The following HYDIN variants were observed in gnomAD, a reference collection of about 807,000 sequenced individuals.
HYDIN encodes the protein HYDIN axonemal central pair apparatus protein, also known as axonemal central pair apparatus protein HYDIN.
HYDIN carries 132 observed loss-of-function variants against 403.9 expected under a neutral mutation model. The ratio of observed to expected loss-of-function variants is 0.33; its 90% CI spans 0.28 to 0.38. The LOEUF (loss-of-function observed/expected upper bound fraction) is 0.38, where lower values mean the gene tolerates loss of function less well. HYDIN is among the 10% of genes least tolerant of loss of function. The probability of loss-of-function intolerance (pLI) is 1.00; values close to 1 mark genes in which losing one functional copy is unlikely to be tolerated. For missense variants in HYDIN, 2,827 were observed against 5,009.5 expected (o/e 0.56, Z 13.15); for synonymous variants, 1,202 against 1,891.7 (o/e 0.64, Z 9.46).
chr16:70,921,282 G>T, intron 45 of HYDIN, 65 bp from the exon 46 acceptor site: 4 of 1,529,428 alleles, frequency 2.6e-6, no homozygotes, highest in Non-Finnish European at 3.5e-6. Context: ...ATTGCATAAG[G>T]AGGAGCAAAA....
chr16:71,006,724 C>T (rs2079898945), intron 23 of HYDIN, among the ~76,000 whole-genome samples: 1 of 151,928 alleles, frequency 6.6e-6, no homozygotes, highest in South Asian at 2.1e-4. Context: ...CTGCACTCAG[C>T]CCTCTAGGGG....
chr16:71,021,835 T>C (rs1422656117), intron 21 of HYDIN, among the ~76,000 whole-genome samples: 1 of 152,202 alleles, frequency 6.6e-6, no homozygotes, highest in Middle Eastern at 3.2e-3. Context: ...TATGACTCTG[T>C]CTTCCAGTTC....
At chr16:71,030,731 C>G (rs942201970) in intron 19 of HYDIN, among the ~76,000 whole-genome samples, 2 of 152,232 alleles carry the variant, frequency 1.3e-5, no homozygotes, top group African/African-American at 4.8e-5. Context: ...GTGCCTGGTC[C>G]AAACCTGATT....
chr16:70,834,243 G>A (rs1024769596), intron 78 of HYDIN, 79 bp from the exon 79 acceptor site: 35 of 868,260 alleles, frequency 4.0e-5, no homozygotes, highest in Non-Finnish European at 6.3e-5. Flanking sequence ...TCTTGCTGCT[G>A]CGATTGGAAC....
At chr16:71,204,145 C>A (rs776319901) in intron 1 of HYDIN, 2 of 170,836 alleles carry the variant, frequency 1.2e-5, no homozygotes, top group Non-Finnish European at 1.2e-5. Flanking sequence ...TCTCCAAGTG[C>A]TAACAATGTG....
intron 1 of HYDIN, among the ~76,000 whole-genome samples, chr16:71,208,640 A>T (rs2088421436): frequency 6.6e-6 from 1 of 152,192 alleles, no homozygotes; most frequent in Admixed American, 6.5e-5. Flanking sequence ...ACAATTAATA[A>T]GATAGATAGA....
intron 23 of HYDIN, among the ~76,000 whole-genome samples, chr16:70,997,975 G>T (rs562829749): frequency 5.6e-4 from 85 of 151,986 alleles, no homozygotes; most frequent in Non-Finnish European, 1.0e-3. Flanking sequence ...AACAGATGGA[G>T]TCTATTTTCT....
chr16:71,221,271 A>C (rs1336121242), intron 1 of HYDIN, among the ~76,000 whole-genome samples: 4 of 149,888 alleles, frequency 2.7e-5, no homozygotes, highest in African/African-American at 9.7e-5. Flanking sequence ...AAAAAAAAAA[A>C]CCCTGAAAGG....
In HYDIN at chr16:70,901,102, G is replaced by C. The variant is rs748205824; in HGVS notation, c.8950C>G (p.Leu2984Val). Residue 2984 changes from leucine to valine, a missense_variant, in exon 53 of 86, where the codon CTG becomes GTG. Leu to Val is a conservative substitution (Grantham distance 32). Coordinates refer to ENST00000393567, the MANE Select transcript of HYDIN (RefSeq NM_001270974.2). Reference protein sequence around the residue: ...EHLGDDFTVSLMQGTIPPEAE... With the variant: ...EHLGDDFTVSVMQGTIPPEAE... Reference sequence around the variant, plus strand: ...TCAGGGGGGATGGTCCCCTGCATCAGGGATACAGTGAAATCATCACCCAAG... The same window carrying C: ...TCAGGGGGGATGGTCCCCTGCATCACGGATACAGTGAAATCATCACCCAAG... The C allele has an allele frequency of 3.8e-6, 3 of 786,476 alleles. No homozygotes were observed. The highest frequency in any genetic ancestry group is 3.3e-4 in the Middle Eastern group (1 of 3,054). The allele number at this position is 786,476 out of a possible 1,614,324, so 48.7% of individuals were successfully genotyped here. A position where few individuals can be genotyped will look rare whatever the true frequency, so the allele number is the denominator to read the frequency against.
At chr16:71,222,328 A>T (rs1389483850) in intron 1 of HYDIN, among the ~76,000 whole-genome samples, 3 of 152,188 alleles carry the variant, frequency 2.0e-5, no homozygotes, top group Non-Finnish European at 4.4e-5. Context: ...CATAGAAGGG[A>T]CTTACCTCAA....
chr16:71,045,549 C>A (rs2081425404), intron 18 of HYDIN, among the ~76,000 whole-genome samples: 2 of 149,664 alleles, frequency 1.3e-5, no homozygotes, highest in South Asian at 2.1e-4. Flanking sequence ...GCTTAGCATC[C>A]TTGAACAAAG....
intron 45 of HYDIN, among the ~76,000 whole-genome samples, chr16:70,931,979 G>A (rs2077351562): frequency 8.7e-6 from 1 of 115,086 alleles, no homozygotes. Flanking sequence ...CCACTGCACT[G>A]TAGCCTGGGC....
At chr16:71,225,506 T>C (rs2040995334) in intron 1 of HYDIN, among the ~76,000 whole-genome samples, 1 of 152,246 alleles carries the variant, frequency 6.6e-6, no homozygotes, top group Non-Finnish European at 1.5e-5. Flanking sequence ...TGGCATTTAG[T>C]CTTTCCTTCT....
In HYDIN at chr16:71,033,476, G is replaced by A. The variant is rs149780851; in HGVS notation, c.2530-1559C>T. ...CCTTTTGAATGAGGTCATGTCCTTTGCAGGGACATGGACGGAACTGGAAGC... is the reference window on the plus strand; with the variant it reads ...CCTTTTGAATGAGGTCATGTCCTTTACAGGGACATGGACGGAACTGGAAGC... On this transcript the variant is annotated intron_variant, in intron 18 of 85. Transcript: ENST00000393567. Among the ~76,000 whole-genome samples, 398 of 152,230 alleles carry A rather than the reference G, an allele frequency of 2.6e-3. 4 individuals carry two copies. Among genetic ancestry groups the A allele is most frequent in the African/African-American group, 8.8e-3 (367 of 41,512 alleles).
intron 45 of HYDIN, among the ~76,000 whole-genome samples, chr16:70,922,463 C>T (rs2077024491): frequency 6.6e-6 from 1 of 152,214 alleles, no homozygotes; most frequent in Admixed American, 6.5e-5. Flanking sequence ...ACACACTATT[C>T]AAACACACGT....
In HYDIN at chr16:70,822,535, G is replaced by A. The variant is rs150312884; in HGVS notation, c.14428-3963C>T. 9.3e-3 allele frequency among the ~76,000 whole-genome samples: 1,418 copies of A among 152,326 alleles called. 13 individuals carry two copies. Among genetic ancestry groups the A allele is most frequent in the Middle Eastern group, 0.085 (25 of 294 alleles). On this transcript the variant is annotated intron_variant, in intron 83 of 85. Coordinates refer to ENST00000393567, the MANE Select transcript of HYDIN (RefSeq NM_001270974.2). ...GATAAAGCAGCAGCAGGATTTGAGC[G>A]GACTGACTCCGATTTTGAAAGAAGT...
intron 10 of HYDIN, among the ~76,000 whole-genome samples, chr16:71,098,303 G>A (rs559033724): frequency 5.3e-5 from 8 of 150,030 alleles, no homozygotes; most frequent in East Asian, 4.0e-4. Flanking sequence ...CCAGGTTCAC[G>A]CCATTCTCCT....
At position 70,974,568 on chromosome 16, in the gene HYDIN, T is replaced by C. The variant is rs1208132256; in HGVS notation, c.4875A>G (p.Ser1625=). ...GAAGGACACGCTTGTCTGCATGGAA[T>C]GACACTGGAAAGTGACTGGTGTTGA... ...KIINTSHFPV[S]FHADKRVLHE... Residue 1625 remains serine, a synonymous_variant, in exon 32 of 86, where the codon TCA becomes TCG. Coordinates refer to ENST00000393567, the MANE Select transcript of HYDIN (RefSeq NM_001270974.2). The C allele has an allele frequency of 7.5e-6, 12 of 1,600,566 alleles. No individual in the cohort carries two copies. The Middle Eastern group carries it at 5.2e-4, about 70-fold the overall frequency.
intron 83 of HYDIN, among the ~76,000 whole-genome samples, chr16:70,822,307 G>C (rs1292007710): frequency 6.6e-6 from 1 of 152,172 alleles, no homozygotes; most frequent in East Asian, 1.9e-4. Flanking sequence ...AGCAGAAATA[G>C]CAAGAGAACT....
Sources: allele counts gnomAD v4.1 joint callset (sites outside exome capture counted in the v4.1 genomes callset), GRCh38; gene constraint gnomAD v4.1.1; transcripts MANE v1.5; gene names NCBI Gene and HGNC (gene_info 2026-07-23, HGNC 2026-07-21).